CEP78: variants seen among roughly 807,000 people sequenced by gnomAD.
The protein encoded by CEP78 is centrosomal protein of 78 kDa.
A neutral mutation model predicts 81.2 loss-of-function variants in CEP78; 76 were observed. The ratio of observed to expected loss-of-function variants is 0.94; its 90% CI spans 0.78 to 1.13. CEP78 has a LOEUF of 1.13. CEP78 is among the 50% of genes most tolerant of loss of function. The probability of loss-of-function intolerance (pLI) is 0.00; values close to 1 mark genes in which losing one functional copy is unlikely to be tolerated. For missense variants in CEP78, 918 were observed against 846.8 expected (o/e 1.08, Z -1.04); for synonymous variants, 293 against 301.4 (o/e 0.97, Z 0.29).
At chr9:78,261,574 T>C (rs1336764559) in intron 11 of CEP78, among the ~76,000 whole-genome samples, 1 of 152,026 alleles carries the variant, frequency 6.6e-6, no homozygotes, top group African/African-American at 2.4e-5. Context: ...GAGGGAACTT[T>C]CATAAATATG....
intron 11 of CEP78, among the ~76,000 whole-genome samples, chr9:78,261,414 C>T (rs1827267991): frequency 1.3e-5 from 2 of 152,088 alleles, no homozygotes; most frequent in Non-Finnish European, 2.9e-5. Flanking sequence ...GAAAGGGGAG[C>T]AGCTGTCAGG....
At chr9:78,252,221 T>G (rs1826799748) in intron 9 of CEP78, among the ~76,000 whole-genome samples, 178 bp downstream of exon 9, 2 of 152,120 alleles carry the variant, frequency 1.3e-5, no homozygotes, top group Admixed American at 1.3e-4. Context: ...TAAGTAGGGT[T>G]TCAAGTTATT....
chr9:78,263,011 A>C, intron 12 of CEP78, 27 bp downstream of exon 12: 1 of 1,453,304 alleles, frequency 6.9e-7, no homozygotes, highest in Non-Finnish European at 9.3e-7. Context: ...TTACCTTTTG[A>C]GAGTTTTTTG....
In CEP78 at chr9:78,257,947, C is replaced by T. The variant is rs72743769; in HGVS notation, c.1380+2983C>T. ...TGTGGCACTGAAACTGTATAGAAGG[C>T]GGTGTAACCTGTATATACACAAGAG... is the stretch of plus-strand genomic sequence containing the variant. On this transcript the variant is annotated intron_variant, in intron 11 of 16. Transcript: ENST00000643273. Among the ~76,000 whole-genome samples the T allele has an allele frequency of 7.1e-3, 1,075 of 152,240 alleles. 4 individuals carry two copies. Among genetic ancestry groups the T allele is most frequent in the Non-Finnish European group, 0.011 (771 of 68,032 alleles).
chr9:78,249,462 C>T (rs1826653763), intron 8 of CEP78: 1 of 152,050 alleles, frequency 6.6e-6, no homozygotes, highest in South Asian at 2.1e-4. Flanking sequence ...CAAACATTCC[C>T]TAAATGTTTG....
At chr9:78,243,407 G>A in intron 4 of CEP78, 55 bp from the exon 5 acceptor site, 3 of 1,464,484 alleles carry the variant, frequency 2.0e-6, no homozygotes, top group Non-Finnish European at 1.9e-6. Context: ...GTTCCTTTTA[G>A]TGTTCCTATC....
chr9:78,236,125 G>C lies in CEP78; in HGVS notation c.-226G>C, dbSNP rs974422043. On this transcript the variant is annotated 5_prime_UTR_variant, in exon 1 of 17. Transcript: ENST00000643273. ...ACTATGAGGCGGGCGCCAACTGCTT[G>C]GGCCGCAGGGCGGGAGGCAGCGCGG... is the stretch of plus-strand genomic sequence containing the variant. 3.7e-6 allele frequency: 2 copies of C among 541,024 alleles called. No individual in the cohort carries two copies. The highest frequency in any genetic ancestry group is 6.5e-6 in the Non-Finnish European group (2 of 309,344). 33.5% of individuals were successfully genotyped at this position (541,024 alleles called of 1,614,324 possible).
intron 8 of CEP78, chr9:78,249,677 T>C (rs553399476): frequency 1.3e-5 from 2 of 152,166 alleles, no homozygotes; most frequent in East Asian, 1.9e-4. Flanking sequence ...CTTTAACTTT[T>C]GTAGAACACA....
intron 11 of CEP78, among the ~76,000 whole-genome samples, chr9:78,260,480 G>A (rs2118415982): frequency 6.6e-6 from 1 of 152,238 alleles, no homozygotes; most frequent in South Asian, 2.1e-4. Flanking sequence ...GGCCAAGGCA[G>A]GTGGATCATG....
chr9:78,265,717 T>C (rs1356879607), intron 14 of CEP78, 142 bp from the exon 15 acceptor site: 5 of 745,842 alleles, frequency 6.7e-6, no homozygotes, highest in African/African-American at 5.3e-5. Flanking sequence ...TTATATTGTA[T>C]TGTTGTAAAT....
chr9:78,268,670 G>A (rs368359141), intron 16 of CEP78, among the ~76,000 whole-genome samples: 3 of 150,606 alleles, frequency 2.0e-5, no homozygotes, highest in Admixed American at 1.3e-4. Flanking sequence ...GAATTAAGCA[G>A]GTTTCTTTTC....
intron 3 of CEP78, among the ~76,000 whole-genome samples, chr9:78,241,239 A>G (rs76831994): frequency 0.011 from 1,636 of 152,220 alleles, 13 homozygotes; most frequent in Non-Finnish European, 0.012. Flanking sequence ...AGAGAGTTAA[A>G]AGGCCTCTGT....
chr9:78,256,885 G>C (rs1365054668), intron 11 of CEP78, among the ~76,000 whole-genome samples: 2 of 152,138 alleles, frequency 1.3e-5, no homozygotes, highest in Admixed American at 1.3e-4. Flanking sequence ...ATAGGGTGTT[G>C]TTTAAAAAGG....
At chr9:78,269,705 TGAG>T (rs150735092) in intron 16 of CEP78, among the ~76,000 whole-genome samples, 337 of 152,300 alleles carry the variant, frequency 2.2e-3, no homozygotes, top group African/African-American at 7.3e-3. Context: ...TGCAGTAAAT[TGAG>T]GGGCAGGAAT....
chr9:78,261,592 A>G (rs185264576), intron 11 of CEP78, among the ~76,000 whole-genome samples: 4 of 152,320 alleles, frequency 2.6e-5, no homozygotes. Context: ...ATGTAACATT[A>G]TGTTCTCACT....
intron 5 of CEP78, among the ~76,000 whole-genome samples, chr9:78,245,157 C>T (rs1554678210): frequency 1.3e-5 from 2 of 151,696 alleles, no homozygotes; most frequent in Non-Finnish European, 2.9e-5. Flanking sequence ...GTGTCTTAGT[C>T]AGTTAGGGCT....
chr9:78,244,157 T>TTA (rs1826369296), intron 5 of CEP78, among the ~76,000 whole-genome samples: 2 of 147,030 alleles, frequency 1.4e-5, no homozygotes, highest in East Asian at 1.9e-4. Context: ...TTTTTTTTTT[T>TTA]GAGACAGGGT....
intron 1 of CEP78, among the ~76,000 whole-genome samples, chr9:78,236,830 C>T (rs1185233701): frequency 6.6e-6 from 1 of 152,162 alleles, no homozygotes; most frequent in African/African-American, 2.4e-5. Context: ...ATTCCCTGCG[C>T]TGCTGATGCC....
chr9:78,247,935 T>C (rs1826573933), intron 6 of CEP78, among the ~76,000 whole-genome samples: 1 of 152,342 alleles, frequency 6.6e-6, no homozygotes, highest in Admixed American at 6.5e-5. Context: ...GGGCGCATCA[T>C]GACTTTGATT....
Sources: gnomAD v4.1 joint callset for allele counts (sites outside exome capture counted in the v4.1 genomes callset) on GRCh38, gnomAD v4.1.1 for gene constraint, MANE v1.5 for transcripts, NCBI Gene and HGNC (gene_info 2026-07-23, HGNC 2026-07-21) for gene names.